The following LAMA2 variants were observed in gnomAD, a reference collection of about 807,000 sequenced individuals.
The protein encoded by LAMA2 is laminin subunit alpha-2.
A neutral mutation model predicts 364.8 loss-of-function variants in LAMA2; 269 were observed. The observed-to-expected ratio is 0.74, with a 90% CI of 0.67 to 0.82. The LOEUF (loss-of-function observed/expected upper bound fraction) is 0.82, where lower values mean the gene tolerates loss of function less well. Among genes scored for constraint, LAMA2 ranks in the 40% least tolerant of loss-of-function variants. LAMA2 has a pLI of 0.00. For missense variants in LAMA2, 3,807 were observed against 3,873.2 expected (o/e 0.98, Z 0.45); for synonymous variants, 1,379 against 1,370.6 (o/e 1.01, Z -0.14).
Position 129,420,970 on chromosome 6 carries a change from T to A in LAMA2, c.5866-6782T>A, listed in dbSNP as rs567079967. On this transcript the variant is annotated intron_variant, in intron 40 of 64. Coordinates refer to ENST00000421865, the MANE Select transcript of LAMA2 (RefSeq NM_000426.4). Reference sequence around the variant, plus strand: ...CACTCCAGTTCCATTAGGGAAGGCATAGTCTTTCCATTTTGAATATTTGGT... The same window carrying A: ...CACTCCAGTTCCATTAGGGAAGGCAAAGTCTTTCCATTTTGAATATTTGGT... Among the ~76,000 whole-genome samples, 11 of 152,308 alleles carry A rather than the reference T, an allele frequency of 7.2e-5. No individual in the cohort carries two copies. In the South Asian group the frequency reaches 2.3e-3, roughly 32 times the overall value.
intron 31 of LAMA2, among the ~76,000 whole-genome samples, chr6:129,349,815 C>T (rs958793781): frequency 6.6e-6 from 1 of 152,070 alleles, no homozygotes; most frequent in Non-Finnish European, 1.5e-5. Context: ...ACTATGACTA[C>T]ACCAGCAAGT....
chr6:129,269,236 C>T (rs989668376), intron 16 of LAMA2, among the ~76,000 whole-genome samples: 4 of 152,046 alleles, frequency 2.6e-5, no homozygotes, highest in African/African-American at 4.8e-5. Flanking sequence ...TTCAATGTCA[C>T]ATGGGAAGAT....
chr6:129,497,319 C>G lies in LAMA2; in HGVS notation c.8244+4836C>G, dbSNP rs191166788. ...GTGGCGCAATCATGGCTTACTGCAGCCTTAACCTCCCAGGCTCAGGCGATC... is the reference window on the plus strand; with the variant it reads ...GTGGCGCAATCATGGCTTACTGCAGGCTTAACCTCCCAGGCTCAGGCGATC... On this transcript the variant is annotated intron_variant, in intron 58 of 64. Coordinates refer to ENST00000421865, the MANE Select transcript of LAMA2 (RefSeq NM_000426.4). Among the ~76,000 whole-genome samples, 63 of 152,170 alleles carry G rather than the reference C, an allele frequency of 4.1e-4. No homozygotes were observed. The East Asian group carries it at 9.3e-3, about 22-fold the overall frequency.
intron 12 of LAMA2, among the ~76,000 whole-genome samples, chr6:129,216,705 T>A (rs941526111): frequency 6.6e-6 from 1 of 152,144 alleles, no homozygotes; most frequent in Non-Finnish European, 1.5e-5. Flanking sequence ...AGAAAACTAA[T>A]ATGAAGTGCA....
At chr6:128,947,316 A>G (rs1780541248) in intron 1 of LAMA2, among the ~76,000 whole-genome samples, 1 of 152,206 alleles carries the variant, frequency 6.6e-6, no homozygotes. Flanking sequence ...CGTTTTTAAG[A>G]CTAAGCTCAA....
intron 1 of LAMA2, among the ~76,000 whole-genome samples, chr6:129,004,981 C>G (rs1172479501): frequency 6.6e-6 from 1 of 152,086 alleles, no homozygotes; most frequent in South Asian, 2.1e-4. Flanking sequence ...AGATTCATCA[C>G]TAACTTTCAA....
At chr6:129,169,274 T>G (rs1488238715) in intron 9 of LAMA2, among the ~76,000 whole-genome samples, 4 of 146,106 alleles carry the variant, frequency 2.7e-5, no homozygotes, top group Non-Finnish European at 5.9e-5. Context: ...TTTTTGCCCA[T>G]TCTGTATGAT....
chr6:129,460,799 T>G (rs1340002942), intron 49 of LAMA2, among the ~76,000 whole-genome samples: 3 of 152,082 alleles, frequency 2.0e-5, no homozygotes, highest in Admixed American at 6.6e-5. Flanking sequence ...TTACAGGATT[T>G]TTTTTTAATT....
At chr6:129,070,730 A>G (rs1203215585) in intron 3 of LAMA2, among the ~76,000 whole-genome samples, 5 of 152,158 alleles carry the variant, frequency 3.3e-5, no homozygotes, top group Admixed American at 6.5e-5. Context: ...CCTTTCTGCA[A>G]CTTTCCATTT....
At chr6:129,333,373 A>G (rs1220653263) in intron 29 of LAMA2, among the ~76,000 whole-genome samples, 12 of 152,192 alleles carry the variant, frequency 7.9e-5, no homozygotes, top group Admixed American at 2.6e-4. Context: ...GATGGTTAGT[A>G]TAAGAAAAAC....
intron 58 of LAMA2, among the ~76,000 whole-genome samples, chr6:129,496,312 A>G (rs1231662655): frequency 2.0e-5 from 3 of 152,014 alleles, no homozygotes; most frequent in Non-Finnish European, 2.9e-5. Flanking sequence ...GATTACGGGC[A>G]TGCACCACCA....
At chr6:129,175,519 A>T (rs1381127910) in intron 9 of LAMA2, among the ~76,000 whole-genome samples, 2 of 152,238 alleles carry the variant, frequency 1.3e-5, no homozygotes, top group East Asian at 3.8e-4. Context: ...ATTGAATTAC[A>T]TAGCTCTCCA....
chr6:129,267,543 C>A (rs897789201), intron 16 of LAMA2, among the ~76,000 whole-genome samples: 24 of 152,050 alleles, frequency 1.6e-4, no homozygotes, highest in South Asian at 2.1e-4. Flanking sequence ...ATGAAAAGTA[C>A]AGTGTACTTT....
At chr6:128,928,395 A>G (rs1282374899) in intron 1 of LAMA2, among the ~76,000 whole-genome samples, 4 of 152,248 alleles carry the variant, frequency 2.6e-5, no homozygotes, top group Non-Finnish European at 5.9e-5. Flanking sequence ...ATAGTCTTAA[A>G]TCATACTTAG....
chr6:129,133,916 C>A (rs1056503590), intron 4 of LAMA2, among the ~76,000 whole-genome samples: 1 of 151,974 alleles, frequency 6.6e-6, no homozygotes, highest in East Asian at 1.9e-4. Context: ...CTCTGAAGAA[C>A]CTTTGAGTCA....
At chr6:129,138,835 G>A (rs1242438579) in intron 4 of LAMA2, among the ~76,000 whole-genome samples, 1 of 152,102 alleles carries the variant, frequency 6.6e-6, no homozygotes, top group Non-Finnish European at 1.5e-5. Context: ...GAGTATGTGA[G>A]GACAGAGCAG....
chr6:129,484,319 G>A (rs1784493246), intron 55 of LAMA2, among the ~76,000 whole-genome samples: 1 of 152,110 alleles, frequency 6.6e-6, no homozygotes. Flanking sequence ...GATCACTGCT[G>A]GTAGAAAAAG....
At chr6:129,042,493 AT>A (rs1229845846) in intron 1 of LAMA2, among the ~76,000 whole-genome samples, 1 of 152,048 alleles carries the variant, frequency 6.6e-6, no homozygotes. Flanking sequence ...AATACTGCTA[AT>A]TTTTTTCAAG....
chr6:129,103,209 T>C (rs996239479), intron 4 of LAMA2, among the ~76,000 whole-genome samples: 5 of 152,222 alleles, frequency 3.3e-5, no homozygotes, highest in Non-Finnish European at 5.9e-5. Context: ...ATTTATCCAG[T>C]TTGTCTAGTT....
Sources: allele counts gnomAD v4.1 joint callset (sites outside exome capture counted in the v4.1 genomes callset), GRCh38; gene constraint gnomAD v4.1.1; transcripts MANE v1.5; gene names NCBI Gene and HGNC (gene_info 2026-07-23, HGNC 2026-07-21).